SCN1A: variants seen among roughly 807,000 people sequenced by gnomAD.
SCN1A encodes sodium voltage-gated channel alpha subunit 1, also known as sodium channel protein type 1 subunit alpha.
In SCN1A, 13 loss-of-function variants were observed where a neutral mutation model predicts 193.7. The observed-to-expected ratio is 0.07, with a 90% CI of 0.04 to 0.11. SCN1A has a LOEUF of 0.11. Among genes scored for constraint, SCN1A ranks in the 10% least tolerant of loss-of-function variants. The pLI, the probability that SCN1A is intolerant of heterozygous loss-of-function variation, is 1.00. For synonymous variants in SCN1A, 781 were observed against 843.6 expected, an observed-to-expected ratio of 0.93 and a Z score of 1.29; for missense variants, 1,432 against 2,451.1, an observed-to-expected ratio of 0.58 and a Z score of 8.78.
chr2:165,999,134 A>C (rs1690479087), intron 25 of SCN1A: 1 of 151,532 alleles, frequency 6.6e-6, no homozygotes, highest in African/African-American at 2.4e-5. Flanking sequence ...CAAATAAAAT[A>C]GGTTTATATT....
chr2:166,131,109 C>T (rs1691641145), upstream of SCN1A, among the ~76,000 whole-genome samples: 1 of 151,994 alleles, frequency 6.6e-6, no homozygotes, highest in African/African-American at 2.4e-5. Flanking sequence ...AATTTTGTCT[C>T]TTTCTCACTG....
Position 166,042,388 on chromosome 2 carries a change from A to C in SCN1A, c.2080T>G (p.Ser694Ala). ...TCCATGGAAACGTGGAAAGAACTTG[A>C]CCTTCTCTTTCTCATTTCAGTTTCA... ...TTETEMRKRR[S>A]SSFHVSMDFL... The change falls in exon 15 of 29, where the codon TCA becomes GCA. Residue 694 changes from serine (S) to alanine (A), a missense_variant. By Grantham distance (99) the Ser-to-Ala change is moderately conservative. Around this residue, in one of 18 missense-constraint regions of SCN1A, gnomAD observed 316 missense variants for 362.1 expected, o/e 0.87. Coordinates refer to ENST00000674923, the MANE Select transcript of SCN1A (RefSeq NM_001165963.4). 6.2e-7 allele frequency: 1 copy of C among 1,613,872 alleles called. No homozygotes were observed. The highest frequency in any genetic ancestry group is 8.5e-7 in the Non-Finnish European group (1 of 1,179,834).
rs748569507 is a variant in SCN1A, at chr2:166,048,963, G to A, written c.965-14C>T. On this transcript the variant is annotated splice_polypyrimidine_tract_variant and intron_variant, in intron 9 of 28. Transcript: ENST00000674923. ...AATAATGATATCCTGTTTGAAAAAA[G>A]AAAGTCGTATGATGAACATTTGCAT... 5 of 1,555,048 alleles carry A rather than the reference G, an allele frequency of 3.2e-6. No homozygotes were observed. Among genetic ancestry groups the A allele is most frequent in the Non-Finnish European group, 4.4e-6 (5 of 1,126,908 alleles).
intron 2 of SCN1A, among the ~76,000 whole-genome samples, chr2:166,098,086 C>T (rs1687592992): frequency 6.6e-6 from 1 of 152,132 alleles, no homozygotes; most frequent in African/African-American, 2.4e-5. Context: ...TTTAAGCTAA[C>T]ATCCCTGATG....
At chr2:166,058,723 G>A (rs767750534) in intron 4 of SCN1A, 35 bp from the exon 5 acceptor site, 2 of 1,133,752 alleles carry the variant, frequency 1.8e-6, no homozygotes, top group African/African-American at 3.1e-5. Context: ...AAGTATGAAA[G>A]TATAAACCAC....
At chr2:166,106,033 A>G (rs1045746673) in intron 2 of SCN1A, among the ~76,000 whole-genome samples, 3 of 152,124 alleles carry the variant, frequency 2.0e-5, no homozygotes, top group African/African-American at 7.2e-5. Flanking sequence ...TAAAAATACA[A>G]AAAATGAGCC....
chr2:166,057,946 A>G (rs1699290959), intron 5 of SCN1A, among the ~76,000 whole-genome samples: 1 of 152,044 alleles, frequency 6.6e-6, no homozygotes, highest in South Asian at 2.1e-4. Flanking sequence ...AACTTCTCTC[A>G]TTAACTTCCG....
upstream of SCN1A, among the ~76,000 whole-genome samples, chr2:166,130,234 T>C (rs1406057743): frequency 6.6e-6 from 1 of 151,942 alleles, no homozygotes; most frequent in African/African-American, 2.4e-5. Flanking sequence ...GTACTGCATC[T>C]ATCAAGTATT....
Position 166,009,827 on chromosome 2 carries a change from A to G in SCN1A, c.3894T>C (p.Ser1298=). 1 of 1,606,912 alleles carries G rather than the reference A, an allele frequency of 6.2e-7. No homozygotes were observed. The highest frequency in any genetic ancestry group is 8.5e-7 in the Non-Finnish European group (1 of 1,174,912). The stretch of plus-strand genomic sequence containing the variant: ...AGTAACCCAAGGCATTTGCTGTTAA[A>G]CTGACCAATGAAACCTGCACACACA... ...DFLIVDVSLV[S]LTANALGYSE... Residue 1298 remains serine (S), a synonymous_variant, in exon 23 of 29, where the codon AGT becomes AGC. Transcript: ENST00000674923.
chr2:166,069,598 C>T (rs897962539), intron 4 of SCN1A, among the ~76,000 whole-genome samples: 12 of 152,134 alleles, frequency 7.9e-5, no homozygotes, highest in African/African-American at 2.7e-4. Flanking sequence ...CACATAAATT[C>T]CTTGCATGTA....
intron 22 of SCN1A, 61 bp from the exon 23 acceptor site, chr2:166,009,902 A>G (rs1692195770): frequency 1.4e-6 from 2 of 1,459,580 alleles, no homozygotes; most frequent in Non-Finnish European, 1.9e-6. Context: ...TGTAGTTGCT[A>G]TATAATACAA....
intron 2 of SCN1A, among the ~76,000 whole-genome samples, chr2:166,124,302 A>C (rs1690981273): frequency 6.6e-6 from 1 of 151,658 alleles, no homozygotes; most frequent in African/African-American, 2.4e-5. Context: ...TAATCCCAGC[A>C]CTTTGGGAGG....
chr2:166,096,157 C>T (rs1226574040), intron 2 of SCN1A, among the ~76,000 whole-genome samples: 2 of 152,100 alleles, frequency 1.3e-5, no homozygotes, highest in Non-Finnish European at 2.9e-5. Context: ...TTATTGACTC[C>T]ACAGAAGACT....
chr2:166,049,072 A>G (rs1698223671), intron 9 of SCN1A, 123 bp from the exon 10 acceptor site: 2 of 682,748 alleles, frequency 2.9e-6, no homozygotes, highest in Non-Finnish European at 5.4e-6. Flanking sequence ...TATTCATTCA[A>G]AGGCACAAGT....
chr2:166,086,675 A>G (rs1686155520), intron 2 of SCN1A, among the ~76,000 whole-genome samples: 1 of 152,144 alleles, frequency 6.6e-6, no homozygotes, highest in African/African-American at 2.4e-5. Flanking sequence ...TAAGAAATAA[A>G]GCTCTCCTTT....
At chr2:166,071,106 C>G (rs1157591851) in intron 4 of SCN1A, among the ~76,000 whole-genome samples, 2 of 152,168 alleles carry the variant, frequency 1.3e-5, no homozygotes, top group Non-Finnish European at 2.9e-5. Context: ...GTAGCATACT[C>G]TATACTGTGA....
intron 21 of SCN1A, among the ~76,000 whole-genome samples, chr2:166,013,486 A>G (rs191624817): frequency 9.9e-5 from 15 of 151,696 alleles, no homozygotes; most frequent in African/African-American, 3.1e-4. Context: ...GTGTTAATGA[A>G]TAAGCTGAAG....
At chr2:166,059,773 G>T (rs974782446) in intron 4 of SCN1A, among the ~76,000 whole-genome samples, 37 of 152,122 alleles carry the variant, frequency 2.4e-4, no homozygotes, top group Non-Finnish European at 5.9e-5. Context: ...AAGAATCTTT[G>T]TATAGTCTTA....
intron 12 of SCN1A, among the ~76,000 whole-genome samples, chr2:166,045,869 G>T (rs1697767714): frequency 6.6e-6 from 1 of 152,088 alleles, no homozygotes; most frequent in South Asian, 2.1e-4. Flanking sequence ...AGAAGAATGG[G>T]GAAGGGAGAA....
Sources: gnomAD v4.1 joint callset for allele counts (sites outside exome capture counted in the v4.1 genomes callset) on GRCh38, gnomAD v4.1.1 for gene constraint, gnomAD v4.1.1 regional missense constraint, MANE v1.5 for transcripts, NCBI Gene and HGNC (gene_info 2026-07-23, HGNC 2026-07-21) for gene names.